The following ESRRG variants were observed in gnomAD, a reference collection of about 807,000 sequenced individuals.
ESRRG encodes estrogen related receptor gamma.
In ESRRG, 13 loss-of-function variants were observed where a neutral mutation model predicts 44.0. The ratio of observed to expected loss-of-function variants is 0.30; its 90% CI spans 0.19 to 0.47. The LOEUF (loss-of-function observed/expected upper bound fraction) is 0.47. Ranked by LOEUF, ESRRG falls within the 20% of genes least tolerant of loss-of-function variation. The pLI is 1.00. For missense variants in ESRRG, 395 were observed against 580.6 expected (o/e 0.68, Z 3.29); for synonymous variants, 215 against 214.6 (o/e 1.00, Z -0.02).
rs144069329 is a variant in ESRRG, at chr1:216,688,731, G to T, written c.57-11240C>A. 9.2e-4 allele frequency among the ~76,000 whole-genome samples: 140 copies of T among 152,150 alleles called. 1 individual carries two copies. The highest frequency in any genetic ancestry group is 3.3e-3 in the African/African-American group (136 of 41,536). On this transcript the variant is annotated intron_variant, in intron 1 of 6. Transcript: ENST00000408911. ...AAAAGATGATATAAAAGTAGGCCGG[G>T]GACATGAAAGCAGAGGTTGTCATAA... is the stretch of plus-strand genomic sequence containing the variant.
intron 1 of ESRRG, among the ~76,000 whole-genome samples, chr1:217,055,208 C>A (rs1210362824): frequency 2.0e-5 from 3 of 152,074 alleles, no homozygotes; most frequent in Non-Finnish European, 4.4e-5. Flanking sequence ...AGACAATAGG[C>A]AAGGCCTTTC....
intron 5 of ESRRG, among the ~76,000 whole-genome samples, chr1:216,534,458 T>C (rs554684684): frequency 6.6e-6 from 1 of 152,262 alleles, no homozygotes; most frequent in Admixed American, 6.5e-5. Context: ...CTGAGACAAA[T>C]TCGATTATAG....
chr1:216,982,003 C>T (rs758191805), intron 1 of ESRRG, among the ~76,000 whole-genome samples: 10 of 152,190 alleles, frequency 6.6e-5, no homozygotes, highest in African/African-American at 9.6e-5. Flanking sequence ...GAAGCCTGAG[C>T]GCTTCGCTGC....
intron 1 of ESRRG, among the ~76,000 whole-genome samples, chr1:217,013,461 T>C (rs1182157746): frequency 1.3e-5 from 2 of 152,234 alleles, no homozygotes; most frequent in South Asian, 2.1e-4. Flanking sequence ...TCCATGTCCA[T>C]GGACATTTGA....
chr1:216,936,429 G>A (rs939380906), intron 2 of ESRRG, among the ~76,000 whole-genome samples: 3 of 152,116 alleles, frequency 2.0e-5, no homozygotes, highest in African/African-American at 7.2e-5. Context: ...GACTATTAAT[G>A]TGAAAATGAC....
intron 5 of ESRRG, among the ~76,000 whole-genome samples, 178 bp from the exon 6 acceptor site, chr1:216,519,599 C>A (rs563543826): frequency 6.6e-6 from 1 of 152,096 alleles, no homozygotes; most frequent in Admixed American, 6.6e-5. Flanking sequence ...AGTCACAAAC[C>A]AGCTTCTTCA....
intron 1 of ESRRG, 106 bp from the exon 2 acceptor site, chr1:216,677,597 A>C: frequency 2.0e-6 from 2 of 985,642 alleles, no homozygotes; most frequent in Non-Finnish European, 2.9e-6. Context: ...GAGAAAGGGA[A>C]AGGGAAAGGT....
chr1:216,703,097 CTTTG>C (rs1475558955), intron 1 of ESRRG, among the ~76,000 whole-genome samples: 1 of 152,080 alleles, frequency 6.6e-6, no homozygotes, highest in Non-Finnish European at 1.5e-5. Flanking sequence ...CATTTAATTA[CTTTG>C]TTTATCTAAG....
At chr1:216,656,617 T>C (rs2070673322) in intron 2 of ESRRG, among the ~76,000 whole-genome samples, 1 of 152,182 alleles carries the variant, frequency 6.6e-6, no homozygotes, top group African/African-American at 2.4e-5. Flanking sequence ...CTTAATGGAC[T>C]TTTACAGTTT....
intron 1 of ESRRG, among the ~76,000 whole-genome samples, chr1:217,089,148 G>A (rs1036791345): frequency 6.6e-6 from 1 of 151,760 alleles, no homozygotes; most frequent in Non-Finnish European, 1.5e-5. Context: ...CCCTCCCAGC[G>A]CCCTAACTCT....
At chr1:216,651,192 A>C (rs2151058673) in intron 2 of ESRRG, 103 bp from the exon 3 acceptor site, 4 of 735,016 alleles carry the variant, frequency 5.4e-6, no homozygotes, top group Non-Finnish European at 7.5e-6. Flanking sequence ...CTCCCACCCC[A>C]AAAAATGTCA....
At chr1:217,027,374 C>A (rs888805631) in intron 1 of ESRRG, among the ~76,000 whole-genome samples, 1 of 152,172 alleles carries the variant, frequency 6.6e-6, no homozygotes. Flanking sequence ...TTTCCTTACA[C>A]CCTAGTTCTT....
intron 2 of ESRRG, among the ~76,000 whole-genome samples, chr1:216,801,418 G>A (rs374817377): frequency 4.1e-4 from 62 of 152,056 alleles, no homozygotes; most frequent in Non-Finnish European, 6.0e-4. Context: ...CCCCATTTCC[G>A]ACAACCCCCT....
chr1:216,756,469 G>T (rs2092450256), intron 2 of ESRRG, among the ~76,000 whole-genome samples: 1 of 151,926 alleles, frequency 6.6e-6, no homozygotes, highest in Non-Finnish European at 1.5e-5. Context: ...CACAACAGGA[G>T]CTTCAACGAG....
chr1:216,557,686 G>A lies in ESRRG; in HGVS notation c.862+6533C>T, dbSNP rs73089914. ...GCTTAATCCCATGAAAAAAAATAAAGCTGAATAAATTCTGGAACTAATAAA... is the reference window on the plus strand; with the variant it reads ...GCTTAATCCCATGAAAAAAAATAAAACTGAATAAATTCTGGAACTAATAAA... On this transcript the variant is annotated intron_variant, in intron 5 of 6. Coordinates refer to ENST00000408911, the MANE Select transcript of ESRRG (RefSeq NM_001438.4). Among the ~76,000 whole-genome samples the A allele has an allele frequency of 9.7e-3, 1,483 of 152,148 alleles. 28 individuals are homozygous for A. Among genetic ancestry groups the A allele is most frequent in the African/African-American group, 0.034 (1,414 of 41,534 alleles).
At chr1:216,789,250 G>T (rs557152955) in intron 2 of ESRRG, among the ~76,000 whole-genome samples, 1 of 152,054 alleles carries the variant, frequency 6.6e-6, no homozygotes, top group South Asian at 2.1e-4. Flanking sequence ...CTTCATTGTC[G>T]TCTTATTTTA....
intron 1 of ESRRG, among the ~76,000 whole-genome samples, chr1:216,961,887 G>A (rs2576218): frequency 0.52 from 78,420 of 151,868 alleles, 21,952 homozygotes; most frequent in Middle Eastern, 0.7. Context: ...ACACATATAC[G>A]CACACAAAAT....
intron 1 of ESRRG, among the ~76,000 whole-genome samples, chr1:216,978,955 G>A (rs2073453313): frequency 6.6e-6 from 1 of 152,098 alleles, no homozygotes; most frequent in South Asian, 2.1e-4. Context: ...GTGACCATGT[G>A]CACATGAGCT....
intron 2 of ESRRG, among the ~76,000 whole-genome samples, chr1:216,899,366 G>T (rs756961483): frequency 1.5e-4 from 23 of 152,164 alleles, no homozygotes; most frequent in African/African-American, 5.1e-4. Flanking sequence ...TGATTTAAAA[G>T]AAATGCATTT....
Sources: allele counts gnomAD v4.1 joint callset (sites outside exome capture counted in the v4.1 genomes callset), GRCh38; gene constraint gnomAD v4.1.1; transcripts MANE v1.5; gene names NCBI Gene and HGNC (gene_info 2026-07-23, HGNC 2026-07-21).